MORC1: variants seen among roughly 807,000 people sequenced by gnomAD.
The protein encoded by MORC1 is MORC family CW-type zinc finger protein 1.
In MORC1, 59 loss-of-function variants were observed where a neutral mutation model predicts 134.9. That is an observed-to-expected ratio of 0.44 (90% CI 0.35 to 0.54). The LOEUF (loss-of-function observed/expected upper bound fraction) is 0.54, where lower values mean the gene tolerates loss of function less well. MORC1 is among the 20% of genes least tolerant of loss of function. MORC1 has a pLI of 0.00. For synonymous variants in MORC1, 395 were observed against 391.7 expected (o/e 1.01, Z -0.10); for missense variants, 947 against 1,134.5 (o/e 0.83, Z 2.37).
intron 18 of MORC1, among the ~76,000 whole-genome samples, chr3:109,005,766 CTT>C (rs1477718212): frequency 6.6e-6 from 1 of 152,170 alleles, no homozygotes; most frequent in African/African-American, 2.4e-5. Context: ...AGCCTACTCT[CTT>C]TTGTAAGAAA....
At chr3:108,961,711 C>T (rs1001954701) in intron 27 of MORC1, among the ~76,000 whole-genome samples, 1 of 152,178 alleles carries the variant, frequency 6.6e-6, no homozygotes, top group African/African-American at 2.4e-5. Flanking sequence ...CTGGCTGAAG[C>T]CCTTAACTTG....
rs1393450824 is a variant in MORC1 at position 109,061,994 on chromosome 3, A to T, written c.960T>A (p.Ser320=). The T allele has an allele frequency of 6.2e-7, 1 of 1,613,726 alleles. No individual in the cohort carries two copies. Among genetic ancestry groups the T allele is most frequent in the Non-Finnish European group, 8.5e-7 (1 of 1,179,768 alleles). Reference sequence around the variant, plus strand: ...CTCTCTTTACATGTCGTACCTTGGCAGAAGATAAAGAGGTTCTGTCACACT... The same window carrying T: ...CTCTCTTTACATGTCGTACCTTGGCTGAAGATAAAGAGGTTCTGTCACACT... ...VNQCDRTSLS[S]AKDVLQRALE... Residue 320 remains serine, a synonymous_variant, in exon 11 of 28, where the codon TCT becomes TCA. Coordinates refer to ENST00000232603, the MANE Select transcript of MORC1 (RefSeq NM_014429.4).
At chr3:108,983,525 A>G (rs1287618191) in intron 23 of MORC1, among the ~76,000 whole-genome samples, 1 of 152,188 alleles carries the variant, frequency 6.6e-6, no homozygotes, top group African/African-American at 2.4e-5. Flanking sequence ...AGACCTTTCA[A>G]AAGCTTAGAA....
chr3:109,080,047 T>A, intron 8 of MORC1, among the ~76,000 whole-genome samples: 1 of 152,210 alleles, frequency 6.6e-6, no homozygotes, highest in East Asian at 1.9e-4. Flanking sequence ...TATAATACTA[T>A]TATTTTTATC....
chr3:109,066,248 G>C (rs1211358229), intron 9 of MORC1, among the ~76,000 whole-genome samples: 1 of 151,626 alleles, frequency 6.6e-6, no homozygotes, highest in Admixed American at 6.6e-5. Context: ...TCCCCCACTA[G>C]AATGTAAGCT....
chr3:109,027,508 T>C (rs893991819), intron 17 of MORC1, among the ~76,000 whole-genome samples: 1 of 152,002 alleles, frequency 6.6e-6, no homozygotes, highest in Non-Finnish European at 1.5e-5. Context: ...GAAATAAATG[T>C]CCCTATTTCT....
intron 16 of MORC1, among the ~76,000 whole-genome samples, chr3:109,029,636 T>C (rs746522208): frequency 2.6e-5 from 4 of 152,194 alleles, no homozygotes; most frequent in Admixed American, 2.0e-4. Context: ...ATTTCTCAGA[T>C]ACTGTGTCAA....
chr3:109,057,551 T>C, intron 12 of MORC1, 65 bp from the exon 13 acceptor site: 1 of 1,382,002 alleles, frequency 7.2e-7, no homozygotes, highest in South Asian at 1.6e-5. Flanking sequence ...TTTAGGAAAC[T>C]GCTAATAATT....
intron 10 of MORC1, 32 bp downstream of exon 10, chr3:109,063,115 TGAACA>T (rs1176553384): frequency 6.9e-7 from 1 of 1,441,618 alleles, no homozygotes; most frequent in South Asian, 1.3e-5. Flanking sequence ...GCTGAATGAC[TGAACA>T]ACAATGATGT....
At chr3:109,059,241 AT>A (rs1950026693) in intron 12 of MORC1, among the ~76,000 whole-genome samples, 1 of 152,148 alleles carries the variant, frequency 6.6e-6, no homozygotes, top group Admixed American at 6.5e-5. Context: ...GGCAGCAGTG[AT>A]TATTTTAAGT....
intron 8 of MORC1, among the ~76,000 whole-genome samples, chr3:109,085,708 C>CA (rs1258738342): frequency 6.6e-6 from 1 of 151,982 alleles, no homozygotes; most frequent in African/African-American, 2.4e-5. Flanking sequence ...GAAGGCTCCT[C>CA]AAAAAACTAA....
chr3:109,046,875 T>C (rs533839239), intron 14 of MORC1, among the ~76,000 whole-genome samples: 2 of 152,320 alleles, frequency 1.3e-5, no homozygotes, highest in African/African-American at 4.8e-5. Context: ...CTACTCAGTG[T>C]AAGTCCCATA....
At chr3:109,106,185 G>C (rs1559956103) in intron 3 of MORC1, among the ~76,000 whole-genome samples, 3 of 152,176 alleles carry the variant, frequency 2.0e-5, no homozygotes, top group Admixed American at 2.0e-4. Context: ...GTTCATCCAG[G>C]ATTGGGAATC....
intron 17 of MORC1, among the ~76,000 whole-genome samples, chr3:109,008,918 T>C (rs2107543797): frequency 6.6e-6 from 1 of 152,318 alleles, no homozygotes; most frequent in East Asian, 1.9e-4. Context: ...CCTATTACAG[T>C]TGAGGCAAAC....
intron 24 of MORC1, among the ~76,000 whole-genome samples, chr3:108,978,907 C>T (rs1031664958): frequency 3.7e-4 from 56 of 152,096 alleles, no homozygotes; most frequent in Non-Finnish European, 3.7e-4. Context: ...CCACCTCCCA[C>T]CCTCCCATAT....
At chr3:109,000,422 C>T (rs1230038909) in intron 21 of MORC1, 135 bp downstream of exon 21, 6 of 633,892 alleles carry the variant, frequency 9.5e-6, no homozygotes, top group African/African-American at 9.3e-5. Context: ...TTAAACTTTT[C>T]TGAGTCTTAT....
chr3:109,020,034 G>A (rs1334826030), intron 17 of MORC1, among the ~76,000 whole-genome samples: 1 of 152,150 alleles, frequency 6.6e-6, no homozygotes, highest in Non-Finnish European at 1.5e-5. Context: ...TAGCTTAAGT[G>A]GCAACATCCC....
Position 109,100,417 on chromosome 3 carries a change from C to CT in MORC1, c.313dup (p.Ser105LysfsTer31). On this transcript the variant is annotated frameshift_variant and splice_region_variant, in exon 5 of 28. Coordinates refer to ENST00000232603, the MANE Select transcript of MORC1 (RefSeq NM_014429.4). LOFTEE classifies it high-confidence loss of function. ...GTCTTAAGGGAAAAAAAATTCTCAC[C>CT]TTTTAAGACCATTGCCGTATTGCCC... is the stretch of plus-strand genomic sequence containing the variant. The CT allele has an allele frequency of 1.2e-6, 2 of 1,610,000 alleles. No individual in the cohort carries two copies. The highest frequency in any genetic ancestry group is 1.7e-6 in the Non-Finnish European group (2 of 1,176,386).
At chr3:109,015,361 T>G (rs923618789) in intron 17 of MORC1, among the ~76,000 whole-genome samples, 1 of 152,156 alleles carries the variant, frequency 6.6e-6, no homozygotes, top group Non-Finnish European at 1.5e-5. Flanking sequence ...CCTAGAAGAT[T>G]ATACCATAGT....
Sources: gnomAD v4.1 joint callset for allele counts (sites outside exome capture counted in the v4.1 genomes callset) on GRCh38, gnomAD v4.1.1 for gene constraint, MANE v1.5 for transcripts, NCBI Gene and HGNC (gene_info 2026-07-23, HGNC 2026-07-21) for gene names.